Variants in SLC8A1 observed in about 807,000 individuals in gnomAD.
SLC8A1 encodes the protein solute carrier family 8 member A1.
In SLC8A1, 18 loss-of-function variants were observed where a neutral mutation model predicts 68.3. The ratio of observed to expected loss-of-function variants is 0.26; its 90% CI spans 0.18 to 0.39. SLC8A1 has a LOEUF of 0.39. Ranked by LOEUF, SLC8A1 falls within the 10% of genes least tolerant of loss-of-function variation. SLC8A1 has a pLI of 1.00. For synonymous variants in SLC8A1, 475 were observed against 415.5 expected (o/e 1.14, Z -1.74); for missense variants, 985 against 1,156.7 (o/e 0.85, Z 2.15).
At chr2:40,274,736 G>A (rs533009606) in intron 2 of SLC8A1, among the ~76,000 whole-genome samples, 1 of 152,286 alleles carries the variant, frequency 6.6e-6, no homozygotes, top group East Asian at 1.9e-4. Context: ...GTGACAAGAA[G>A]TTATATATCT....
intron 1 of SLC8A1, among the ~76,000 whole-genome samples, chr2:40,494,742 T>A (rs1303586080): frequency 6.7e-6 from 1 of 148,336 alleles, no homozygotes; most frequent in African/African-American, 2.5e-5. Flanking sequence ...TGCTCAGAAA[T>A]ATTTATATCA....
At chr2:40,420,752 T>A (rs972156768) in intron 2 of SLC8A1, among the ~76,000 whole-genome samples, 1 of 152,140 alleles carries the variant, frequency 6.6e-6, no homozygotes, top group Non-Finnish European at 1.5e-5. Context: ...AGCTTGAGCA[T>A]GTGTTGAGGT....
chr2:40,139,393 A>T lies in SLC8A1; in HGVS notation c.2437+8T>A. The T allele has an allele frequency of 6.2e-7, 1 of 1,613,904 alleles. No homozygotes were observed. Among genetic ancestry groups the T allele is most frequent in the Non-Finnish European group, 8.5e-7 (1 of 1,179,858 alleles). On this transcript the variant is annotated splice_region_variant and intron_variant, in intron 7 of 7. Transcript: ENST00000406785. ...ACTGGGGGAATTATACATGAATGTA[A>T]TTTGTACCTGGCACTGATGTTCCAA...
chr2:40,248,139 A>G (rs1192821082), intron 2 of SLC8A1, among the ~76,000 whole-genome samples: 3 of 152,214 alleles, frequency 2.0e-5, no homozygotes, highest in African/African-American at 7.2e-5. Context: ...TACACTTTTG[A>G]TGACATTAAG....
chr2:40,309,980 T>G (rs2073384571), intron 2 of SLC8A1, among the ~76,000 whole-genome samples: 1 of 152,186 alleles, frequency 6.6e-6, no homozygotes, highest in Non-Finnish European at 1.5e-5. Flanking sequence ...TCACTCCTGC[T>G]TTCCCTTCCC....
chr2:40,449,844 T>A lies in SLC8A1; in HGVS notation c.-25+2060A>T, dbSNP rs1702103440. On this transcript the variant is annotated intron_variant, in intron 1 of 7. Transcript: ENST00000406785. ...GCTCAACAATAAATAATGGTTTATC[T>A]CTGTTCAGTCCTTTTTGTTGCTGTT... 2.0e-5 allele frequency among the ~76,000 whole-genome samples: 3 copies of A among 152,198 alleles called. No homozygotes were observed. In the South Asian group the frequency reaches 6.2e-4, roughly 32 times the overall value.
At chr2:40,109,659 C>T (rs1335735055) in exon 8 of SLC8A1, 1 of 152,036 alleles carries the variant, frequency 6.6e-6, no homozygotes, top group African/African-American at 2.4e-5. Flanking sequence ...GTGAGCATCA[C>T]TAAGGGTAGT....
At chr2:40,398,700 A>G (rs1473514645) in intron 2 of SLC8A1, among the ~76,000 whole-genome samples, 2 of 152,354 alleles carry the variant, frequency 1.3e-5, no homozygotes, top group East Asian at 1.9e-4. Context: ...ACATTCTTTT[A>G]AAATGGCTGT....
intron 1 of SLC8A1, among the ~76,000 whole-genome samples, chr2:40,459,183 A>T (rs1262098348): frequency 6.6e-6 from 1 of 152,158 alleles, no homozygotes; most frequent in African/African-American, 2.4e-5. Context: ...AAATTAACAC[A>T]TTGTAGGGTG....
chr2:40,402,815 C>T (rs1408538001), intron 2 of SLC8A1, among the ~76,000 whole-genome samples: 1 of 152,198 alleles, frequency 6.6e-6, no homozygotes, highest in Non-Finnish European at 1.5e-5. Context: ...AACTACTCAA[C>T]TTGACTAGAC....
chr2:40,314,355 T>C (rs2074157142), intron 2 of SLC8A1, among the ~76,000 whole-genome samples: 2 of 152,094 alleles, frequency 1.3e-5, no homozygotes, highest in Admixed American at 1.3e-4. Flanking sequence ...TCCATTCTAA[T>C]CACTTATTTC....
At position 40,401,942 on chromosome 2, in the gene SLC8A1, T is replaced by A. The variant is rs937843524; in HGVS notation, c.1808+26531A>T. Among the ~76,000 whole-genome samples the A allele has an allele frequency of 5.3e-5, 8 of 152,162 alleles. No homozygotes were observed. In the East Asian group the frequency reaches 1.5e-3, roughly 29 times the overall value. ...AAATACATATACAGATTGCCCCATA[T>A]CTAATTTTCTAACTTTAAGTGTATA... On this transcript the variant is annotated intron_variant, in intron 2 of 7. Coordinates refer to ENST00000406785, the Ensembl canonical transcript of SLC8A1.
intron 2 of SLC8A1, among the ~76,000 whole-genome samples, chr2:40,359,193 C>T (rs562723485): frequency 2.6e-5 from 4 of 152,238 alleles, no homozygotes; most frequent in Non-Finnish European, 2.9e-5. Flanking sequence ...GTAAAATACA[C>T]ACTTTATTTT....
intron 2 of SLC8A1, among the ~76,000 whole-genome samples, chr2:40,295,619 G>C (rs935228775): frequency 6.6e-6 from 1 of 152,050 alleles, no homozygotes; most frequent in Non-Finnish European, 1.5e-5. Flanking sequence ...GGAGGATTAC[G>C]ATCCAGCAGA....
chr2:40,311,473 G>A (rs1311020931), intron 2 of SLC8A1, among the ~76,000 whole-genome samples: 1 of 152,028 alleles, frequency 6.6e-6, no homozygotes, highest in African/African-American at 2.4e-5. Context: ...TAATATGGCG[G>A]TATGATGTAT....
intron 2 of SLC8A1, among the ~76,000 whole-genome samples, chr2:40,181,205 C>G (rs1421973965): frequency 1.3e-5 from 2 of 152,182 alleles, no homozygotes; most frequent in Non-Finnish European, 2.9e-5. Context: ...GGCGATCCAC[C>G]CGCCTTGGCC....
At chr2:40,170,565 A>G (rs72792747) in intron 4 of SLC8A1, among the ~76,000 whole-genome samples, 2 of 152,206 alleles carry the variant, frequency 1.3e-5, no homozygotes, top group Non-Finnish European at 2.9e-5. Context: ...GAGATGAGCG[A>G]GTATTTCATG....
chr2:40,191,380 G>C (rs2051804886), intron 2 of SLC8A1, among the ~76,000 whole-genome samples: 1 of 152,064 alleles, frequency 6.6e-6, no homozygotes, highest in Admixed American at 6.6e-5. Flanking sequence ...TGATAGAAGG[G>C]ATCCAAACAC....
At chr2:40,339,323 A>C (rs568066785) in intron 2 of SLC8A1, among the ~76,000 whole-genome samples, 31 of 152,232 alleles carry the variant, frequency 2.0e-4, no homozygotes, top group Admixed American at 7.2e-4. Context: ...TTCTCTCATT[A>C]CCTCTCATCT....
Sources: allele counts gnomAD v4.1 joint callset (sites outside exome capture counted in the v4.1 genomes callset), GRCh38; gene constraint gnomAD v4.1.1; transcripts MANE v1.5; gene names NCBI Gene and HGNC (gene_info 2026-07-23, HGNC 2026-07-21).